Variants in PCDH15 observed in about 807,000 individuals in gnomAD.
PCDH15 encodes the protein protocadherin-15.
In PCDH15, 129 loss-of-function variants were observed where a neutral mutation model predicts 178.5. The observed-to-expected ratio is 0.72, with a 90% confidence interval of 0.63 to 0.84. The LOEUF (loss-of-function observed/expected upper bound fraction) is 0.84, where lower values mean the gene tolerates loss of function less well. Ranked by LOEUF, PCDH15 falls within the 40% of genes least tolerant of loss-of-function variation. The probability of loss-of-function intolerance (pLI) is 0.00; values close to 1 mark genes in which losing one functional copy is unlikely to be tolerated. For missense variants in PCDH15, 2,230 were observed against 2,099.9 expected, an observed-to-expected ratio of 1.06 and a Z score of -1.21; for synonymous variants, 800 against 732.0, an observed-to-expected ratio of 1.09 and a Z score of -1.50.
At chr10:54,410,174 A>G (rs1328002035) in intron 3 of PCDH15, among the ~76,000 whole-genome samples, 1 of 152,154 alleles carries the variant, frequency 6.6e-6, no homozygotes, top group Admixed American at 6.6e-5. Context: ...TAATAAGGCC[A>G]CAATATTTGC....
rs138673667 is a variant in PCDH15, at chr10:55,422,911, C to A, written c.-156+204714G>T. 4.7e-3 allele frequency among the ~76,000 whole-genome samples: 711 copies of A among 151,786 alleles called. 2 individuals carry two copies. The highest frequency in any genetic ancestry group is 0.015 in the South Asian group (73 of 4,812). ...CATAATTTTGCCTATCACTATAAAT[C>A]AACAAAGGGAAAATAATAACATATT... On this transcript the variant is annotated intron_variant, in intron 2 of 5. Transcript: ENST00000613346.
chr10:55,041,648 G>C (rs982021015), intron 2 of PCDH15, among the ~76,000 whole-genome samples: 6 of 151,958 alleles, frequency 3.9e-5, no homozygotes, highest in African/African-American at 7.2e-5. Context: ...ATTGGTTACT[G>C]TTCATTTGAT....
chr10:54,165,122 T>C lies in PCDH15; in HGVS notation c.1591-11829A>G, dbSNP rs540973226. On this transcript the variant is annotated intron_variant, in intron 13 of 37. Coordinates refer to ENST00000644397, the MANE Select transcript of PCDH15 (RefSeq NM_001384140.1). ...TCCTGCTGGCCAAGCAAATTGGGGATTGCAAATGTATTTATTTTCAGATTT... is the reference window on the plus strand; with the variant it reads ...TCCTGCTGGCCAAGCAAATTGGGGACTGCAAATGTATTTATTTTCAGATTT... Among the ~76,000 whole-genome samples the C allele has an allele frequency of 3.3e-5, 5 of 152,298 alleles. 1 individual carries two copies. The highest frequency in any genetic ancestry group is 1.9e-4 in the East Asian group (1 of 5,172).
chr10:55,425,505 G>T (rs951450957), intron 2 of PCDH15, among the ~76,000 whole-genome samples: 1 of 151,962 alleles, frequency 6.6e-6, no homozygotes, highest in Non-Finnish European at 1.5e-5. Context: ...TAAAAATATT[G>T]TATTCATACC....
At chr10:55,056,667 G>C (rs1841314526) in intron 2 of PCDH15, among the ~76,000 whole-genome samples, 1 of 149,638 alleles carries the variant, frequency 6.7e-6, no homozygotes, top group Admixed American at 6.7e-5. Flanking sequence ...GAGTCTTGCT[G>C]TCTTGCCCAG....
rs146326496 is a variant in PCDH15, at chr10:53,806,563, T to A, written c.*16A>T. On this transcript the variant is annotated 3_prime_UTR_variant, in exon 38 of 38. Coordinates refer to ENST00000644397, the MANE Select transcript of PCDH15 (RefSeq NM_001384140.1). ...ATGTAAGTAAAAATTAATTAAAATA[T>A]CTTTTAAAAAATTGGTCACAGTTTT... 4 of 1,545,810 alleles carry A rather than the reference T, an allele frequency of 2.6e-6. No homozygotes were observed. The highest frequency in any genetic ancestry group is 2.6e-6 in the Non-Finnish European group (3 of 1,141,210).
At chr10:54,838,063 A>G (rs899545458) in intron 3 of PCDH15, among the ~76,000 whole-genome samples, 2 of 152,028 alleles carry the variant, frequency 1.3e-5, no homozygotes, top group African/African-American at 4.8e-5. Flanking sequence ...TTGTGCAAGT[A>G]TGTAGAATAC....
chr10:55,627,697 G>A (rs1044749179), exon 2 of PCDH15: 2 of 152,096 alleles, frequency 1.3e-5, no homozygotes, highest in Non-Finnish European at 2.9e-5. Flanking sequence ...TAGGGATCCC[G>A]AGCAGCCACG....
At chr10:55,153,897 A>T (rs939324161) in intron 2 of PCDH15, among the ~76,000 whole-genome samples, 2 of 152,224 alleles carry the variant, frequency 1.3e-5, no homozygotes, top group Non-Finnish European at 2.9e-5. Context: ...AAGCATTGTG[A>T]GCCAGAGTTG....
At chr10:54,993,446 A>G (rs1022737835) in intron 2 of PCDH15, among the ~76,000 whole-genome samples, 2 of 152,186 alleles carry the variant, frequency 1.3e-5, no homozygotes, top group Non-Finnish European at 2.9e-5. Context: ...GGAATTATGA[A>G]ACATTCTGTC....
At chr10:55,292,863 C>T (rs1454487345) in intron 1 of PCDH15, among the ~76,000 whole-genome samples, 2 of 152,192 alleles carry the variant, frequency 1.3e-5, no homozygotes, top group African/African-American at 4.8e-5. Flanking sequence ...GAAGCTTTTC[C>T]AGGCAAACAG....
At chr10:54,647,104 T>A (rs149458960) in intron 2 of PCDH15, among the ~76,000 whole-genome samples, 1 of 152,028 alleles carries the variant, frequency 6.6e-6, no homozygotes, top group Non-Finnish European at 1.5e-5. Context: ...CATTGACAGA[T>A]GAATACATAA....
In PCDH15 at chr10:54,572,497, C is replaced by T. The variant is rs558043681; in HGVS notation, c.92-44620G>A. Among the ~76,000 whole-genome samples, 9 of 152,078 alleles carry T rather than the reference C, an allele frequency of 5.9e-5. 1 individual carries two copies. The highest frequency in any genetic ancestry group is 1.7e-4 in the African/African-American group (7 of 41,508). On this transcript the variant is annotated intron_variant, in intron 2 of 37. Coordinates refer to ENST00000644397, the MANE Select transcript of PCDH15 (RefSeq NM_001384140.1). Reference sequence around the variant, plus strand: ...CAAATGAACTAATTTGAAAGGAAAACGAAAAGAGAGGATTGAAAGAATTGT... The same window carrying T: ...CAAATGAACTAATTTGAAAGGAAAATGAAAAGAGAGGATTGAAAGAATTGT...
intron 8 of PCDH15, among the ~76,000 whole-genome samples, chr10:54,291,537 G>A (rs531984693): frequency 3.9e-5 from 6 of 152,130 alleles, no homozygotes; most frequent in Non-Finnish European, 7.3e-5. Context: ...CCAGGAGCTG[G>A]TTTTTTGAAA....
At chr10:54,889,986 G>A (rs1175612726) in intron 3 of PCDH15, among the ~76,000 whole-genome samples, 3 of 151,976 alleles carry the variant, frequency 2.0e-5, no homozygotes, top group African/African-American at 7.2e-5. Flanking sequence ...TTTATTAAAT[G>A]ATAAAGTGGA....
At chr10:54,525,550 C>A (rs1237701207) in intron 3 of PCDH15, among the ~76,000 whole-genome samples, 10 of 152,154 alleles carry the variant, frequency 6.6e-5, no homozygotes, top group South Asian at 2.1e-4. Flanking sequence ...TCCTGGCCTC[C>A]CAGGTTCAAG....
intron 8 of PCDH15, among the ~76,000 whole-genome samples, chr10:54,299,679 G>A (rs564129811): frequency 2.8e-4 from 42 of 152,308 alleles, no homozygotes; most frequent in African/African-American, 9.9e-4. Flanking sequence ...CAGGAGGATA[G>A]ATGGTTCCTC....
rs377350068 is a variant in PCDH15 at position 55,283,102 on chromosome 10, G to A, written c.-156+36497C>T. ...GGAGTCATGCAGCTGGAGGCTGTAA[G>A]TTTCCAAACCTCCCTAAATTGCTCC... On this transcript the variant is annotated intron_variant, in intron 1 of 5. Transcript: ENST00000458638. Among the ~76,000 whole-genome samples, 6 of 152,276 alleles carry A rather than the reference G, an allele frequency of 3.9e-5. No homozygotes were observed. In the South Asian group the frequency reaches 1.0e-3, roughly 26 times the overall value.
At chr10:54,460,984 A>G (rs1338608782) in intron 3 of PCDH15, among the ~76,000 whole-genome samples, 1 of 152,108 alleles carries the variant, frequency 6.6e-6, no homozygotes, top group Non-Finnish European at 1.5e-5. Flanking sequence ...AAACAGATAC[A>G]AAGTGCCTAA....
Sources: allele counts gnomAD v4.1 joint callset (sites outside exome capture counted in the v4.1 genomes callset), GRCh38; gene constraint gnomAD v4.1.1; transcripts MANE v1.5; gene names NCBI Gene and HGNC (gene_info 2026-07-23, HGNC 2026-07-21).